Variants in ANKRD44 observed in about 807,000 individuals in gnomAD.
ANKRD44 encodes ankyrin repeat domain 44.
Under a neutral mutation model 116.0 loss-of-function variants are expected in ANKRD44, and 35 were observed. That is an observed-to-expected ratio of 0.30 (90% CI 0.23 to 0.40). The LOEUF (loss-of-function observed/expected upper bound fraction) is 0.40. Ranked by LOEUF, ANKRD44 falls within the 10% of genes least tolerant of loss-of-function variation. ANKRD44 has a pLI of 1.00. For missense variants in ANKRD44, 1,014 were observed against 1,242.6 expected, an observed-to-expected ratio of 0.82 and a Z score of 2.77; for synonymous variants, 435 against 461.8, an observed-to-expected ratio of 0.94 and a Z score of 0.74.
At chr2:197,163,004 G>A (rs548980714) in intron 2 of ANKRD44, among the ~76,000 whole-genome samples, 2 of 152,308 alleles carry the variant, frequency 1.3e-5, no homozygotes, top group East Asian at 3.9e-4. Flanking sequence ...ACTAGGGTCT[G>A]GATGGAATCA....
Position 197,264,887 on chromosome 2 carries a change from T to C in ANKRD44, c.27+45691A>G, listed in dbSNP as rs79648059. On this transcript the variant is annotated intron_variant, in intron 1 of 27. Transcript: ENST00000282272. ...AGGTCAAAGTTACCAGGTCAGCTTT[T>C]ATAGGCTCCTTAAAAATTATATGGT... Among the ~76,000 whole-genome samples the C allele has an allele frequency of 8.9e-4, 135 of 152,344 alleles. 4 individuals are homozygous for C. In the East Asian group the frequency reaches 0.024, roughly 27 times the overall value.
chr2:197,024,140 A>T (rs1173617623), intron 17 of ANKRD44, among the ~76,000 whole-genome samples: 1 of 152,196 alleles, frequency 6.6e-6, no homozygotes, highest in Non-Finnish European at 1.5e-5. Context: ...ACACCTCTGC[A>T]TGTCAATTAA....
At chr2:197,075,417 G>A (rs2077644729) in intron 16 of ANKRD44, among the ~76,000 whole-genome samples, 1 of 152,124 alleles carries the variant, frequency 6.6e-6, no homozygotes, top group African/African-American at 2.4e-5. Context: ...TACACAAGAA[G>A]CTTTATTAGC....
Position 197,201,864 on chromosome 2 carries a change from A to G in ANKRD44, c.28-14758T>C, listed in dbSNP as rs943922340. Among the ~76,000 whole-genome samples, 3 of 152,144 alleles carry G rather than the reference A, an allele frequency of 2.0e-5. No homozygotes were observed. Among genetic ancestry groups the G allele is most frequent in the African/African-American group, 7.2e-5 (3 of 41,424 alleles). On this transcript the variant is annotated intron_variant, in intron 1 of 27. Coordinates refer to ENST00000282272, the MANE Select transcript of ANKRD44 (RefSeq NM_001195144.2). This position sits in a 1 kb window ranked among gnomAD's most constrained non-coding sequence, Gnocchi z 4.0. ...CCTTTTGGGATTCACAGTGTTTACT[A>G]TTCCCATCTTTGTGTCCTTGTGTAC...
chr2:197,091,957 AC>A (rs2078052749), intron 10 of ANKRD44, among the ~76,000 whole-genome samples: 1 of 151,746 alleles, frequency 6.6e-6, no homozygotes, highest in South Asian at 2.1e-4. Flanking sequence ...TTATAGACCG[AC>A]CCCCACTAAG....
chr2:196,990,441 G>A (rs1249519806), intron 27 of ANKRD44: 1 of 1,179,770 alleles, frequency 8.5e-7, no homozygotes, highest in Admixed American at 4.5e-5. Context: ...AAAATGAGAG[G>A]TAGACTTTCA....
Position 196,988,823 on chromosome 2 carries a change from C to A in ANKRD44, c.*768G>T, listed in dbSNP as rs2075869292. Reference sequence around the variant, plus strand: ...GGCACATGTGCCCACACACTGCCATCATTTCTCATCAGGTTACTGAGACTA... The same window carrying A: ...GGCACATGTGCCCACACACTGCCATAATTTCTCATCAGGTTACTGAGACTA... On this transcript the variant is annotated 3_prime_UTR_variant, in exon 28 of 28. Coordinates refer to ENST00000282272, the MANE Select transcript of ANKRD44 (RefSeq NM_001195144.2). 2 of 985,422 alleles carry A rather than the reference C, an allele frequency of 2.0e-6. No individual in the cohort carries two copies. The highest frequency in any genetic ancestry group is 2.4e-6 in the Non-Finnish European group (2 of 829,924). The allele number at this position is 985,422 out of a possible 1,614,324, so 61.0% of individuals were successfully genotyped here. A position where few individuals can be genotyped will look rare whatever the true frequency, so the allele number is the denominator to read the frequency against.
At chr2:196,980,297 G>A (rs1400028510) in intron 21 of ANKRD44, among the ~76,000 whole-genome samples, 1 of 152,050 alleles carries the variant, frequency 6.6e-6, no homozygotes. Context: ...AAATTACCAG[G>A]TAACATTCTC....
chr2:197,061,448 C>G (rs2077310551), intron 16 of ANKRD44, among the ~76,000 whole-genome samples: 1 of 152,150 alleles, frequency 6.6e-6, no homozygotes, highest in African/African-American at 2.4e-5. Context: ...ACACCTGTGA[C>G]CAAACAGCCT....
intron 1 of ANKRD44, among the ~76,000 whole-genome samples, chr2:197,206,268 T>C (rs1486987666): frequency 5.9e-5 from 9 of 152,238 alleles, no homozygotes; most frequent in Admixed American, 5.9e-4. Context: ...TCTTATGTGC[T>C]GGCCATTCTG....
intron 1 of ANKRD44, among the ~76,000 whole-genome samples, chr2:197,280,214 C>T (rs55928942): frequency 0.04 from 6,138 of 152,116 alleles, 397 homozygotes; most frequent in African/African-American, 0.14. Flanking sequence ...CATGTGCAGT[C>T]TACAGACAGG....
intron 4 of ANKRD44, among the ~76,000 whole-genome samples, 179 bp from the exon 5 acceptor site, chr2:197,126,216 C>G (rs1179120006): frequency 6.6e-6 from 1 of 152,222 alleles, no homozygotes; most frequent in Non-Finnish European, 1.5e-5. Context: ...AAGATAAAGA[C>G]AGAATCACTT....
At chr2:197,101,979 C>T (rs1349201698) in intron 9 of ANKRD44, among the ~76,000 whole-genome samples, 1 of 152,014 alleles carries the variant, frequency 6.6e-6, no homozygotes, top group Non-Finnish European at 1.5e-5. Context: ...ATCCCTTCCT[C>T]TTCATCCTCA....
intron 1 of ANKRD44, among the ~76,000 whole-genome samples, chr2:197,236,426 T>TA (rs1216647555): frequency 1.3e-5 from 2 of 152,094 alleles, no homozygotes; most frequent in Non-Finnish European, 2.9e-5. Flanking sequence ...GGACTCATTT[T>TA]AAAAAAAGGA....
rs2077932529 is a variant in ANKRD44 at position 197,086,705 on chromosome 2, A to C, written c.1291T>G (p.Phe431Val). ...IKLLQSSGAD[F>V]HKKDKCGRTP... Reference sequence around the variant, plus strand: ...CTCCCACACTTGTCCTTTTTATGGAAATCTGCTCCGCTGCTCTGCAAGAGT... The same window carrying C: ...CTCCCACACTTGTCCTTTTTATGGACATCTGCTCCGCTGCTCTGCAAGAGT... Residue 431 changes from phenylalanine to valine, a missense_variant, in exon 13 of 28, where the codon TTC becomes GTC. By Grantham distance (50) the Phe-to-Val change is conservative. Coordinates refer to ENST00000282272, the MANE Select transcript of ANKRD44 (RefSeq NM_001195144.2). The C allele has an allele frequency of 6.2e-7, 1 of 1,613,804 alleles. No individual in the cohort carries two copies. Among genetic ancestry groups the C allele is most frequent in the Non-Finnish European group, 8.5e-7 (1 of 1,179,860 alleles).
Position 197,005,805 on chromosome 2 carries a change from G to A in ANKRD44, c.2236C>T (p.Arg746Cys), listed in dbSNP as rs777206159. The A allele has an allele frequency of 1.6e-5, 26 of 1,614,158 alleles. No homozygotes were observed. Among genetic ancestry groups the A allele is most frequent in the Middle Eastern group, 1.6e-4 (1 of 6,084 alleles). The part of the protein sequence containing the change: ...GRTPLHYAAA[R>C]GHATWLSELL... ...TCGCTCAGCCACGTGGCGTGGCCAC[G>A]AGCAGCTGCATAGTGCAAGGGCGTC... is the stretch of plus-strand genomic sequence containing the variant. Residue 746 changes from arginine to cysteine, a missense_variant, in exon 21 of 28, where the codon CGT (arginine) becomes TGT (cysteine). Coordinates refer to ENST00000282272, the MANE Select transcript of ANKRD44 (RefSeq NM_001195144.2).
At chr2:197,224,118 G>A (rs149288342) in intron 1 of ANKRD44, among the ~76,000 whole-genome samples, 71 of 152,294 alleles carry the variant, frequency 4.7e-4, no homozygotes, top group African/African-American at 1.5e-3. Context: ...AAGACATTCT[G>A]CATTCTGGAA....
At chr2:197,254,575 G>A (rs568212261) in intron 1 of ANKRD44, among the ~76,000 whole-genome samples, 43 of 148,866 alleles carry the variant, frequency 2.9e-4, no homozygotes, top group Admixed American at 4.1e-4. Context: ...GTGTGTATAT[G>A]TGTATAGACA....
At chr2:197,240,989 G>T (rs1433649905) in intron 1 of ANKRD44, among the ~76,000 whole-genome samples, 1 of 151,848 alleles carries the variant, frequency 6.6e-6, no homozygotes, top group African/African-American at 2.4e-5. Context: ...GAATAAATTT[G>T]ATTTTTGGAC....
Sources: gnomAD v4.1 joint callset for allele counts (sites outside exome capture counted in the v4.1 genomes callset) on GRCh38, gnomAD v4.1.1 for gene constraint, Gnocchi (gnomAD v3.1) non-coding constraint, MANE v1.5 for transcripts, NCBI Gene and HGNC (gene_info 2026-07-23, HGNC 2026-07-21) for gene names.